Variants in IL1RAPL1 observed in about 807,000 individuals in gnomAD.
IL1RAPL1 encodes the protein interleukin 1 receptor accessory protein like 1, also known as interleukin-1 receptor accessory protein-like 1.
IL1RAPL1 carries 3 observed loss-of-function variants against 48.4 expected under a neutral mutation model. That is an observed-to-expected ratio of 0.06 (90% CI 0.03 to 0.16). The LOEUF is 0.16. Among genes scored for constraint, IL1RAPL1 ranks in the 10% least tolerant of loss-of-function variants. The pLI, the probability that IL1RAPL1 is intolerant of heterozygous loss-of-function variation, is 1.00. For synonymous variants in IL1RAPL1, 185 were observed against 187.7 expected (o/e 0.99, Z 0.12); for missense variants, 349 against 530.6 (o/e 0.66, Z 3.36).
chrX:29,001,768 C>G (rs1013103576), intron 2 of IL1RAPL1, among the ~76,000 whole-genome samples: 7 of 111,219 alleles, frequency 6.3e-5, no homozygotes, highest in Admixed American at 1.9e-4. Context: ...CAAATTCATT[C>G]TGAGATCATC....
chrX:29,948,229 C>T (rs1178008338), intron 9 of IL1RAPL1, among the ~76,000 whole-genome samples: 1 of 110,890 alleles, frequency 9.0e-6, no homozygotes, highest in Non-Finnish European at 1.9e-5. Context: ...CTACTTTATA[C>T]CACAGATATT....
intron 2 of IL1RAPL1, among the ~76,000 whole-genome samples, chrX:29,151,827 G>C (rs1929472910): frequency 1.8e-5 from 2 of 111,125 alleles, no homozygotes; most frequent in African/African-American, 3.3e-5. Flanking sequence ...AAATCCCTCA[G>C]ATGAAAGGAC....
chrX:29,918,526 A>AT (rs1278633192), intron 7 of IL1RAPL1, among the ~76,000 whole-genome samples: 82 of 106,985 alleles, frequency 7.7e-4, no homozygotes, highest in African/African-American at 2.6e-3. Context: ...AAAAAAAAAA[A>AT]TTTTCACAGG....
intron 6 of IL1RAPL1, among the ~76,000 whole-genome samples, chrX:29,841,089 C>T (rs1931127066): frequency 9.0e-6 from 1 of 111,715 alleles, no homozygotes; most frequent in African/African-American, 3.2e-5. Flanking sequence ...TGTTTGGTAA[C>T]TCCAGTCATG....
intron 6 of IL1RAPL1, among the ~76,000 whole-genome samples, chrX:29,706,018 G>C (rs995274164): frequency 8.9e-6 from 1 of 112,143 alleles, no homozygotes; most frequent in African/African-American, 3.2e-5. Flanking sequence ...CATGGCAGAA[G>C]GCAAGGAGGA....
chrX:28,616,781 C>G (rs765837002), intron 1 of IL1RAPL1, among the ~76,000 whole-genome samples: 2 of 112,322 alleles, frequency 1.8e-5, no homozygotes, highest in African/African-American at 6.5e-5. Context: ...TAATCCCTTA[C>G]TCATTCATCA....
At chrX:29,503,957 C>CTT (rs369285020) in intron 5 of IL1RAPL1, among the ~76,000 whole-genome samples, 5,428 of 94,626 alleles carry the variant, frequency 0.057, 457 homozygotes, top group African/African-American at 0.2. Context: ...AGCCTGAATC[C>CTT]TTTTTTTTTT....
chrX:29,080,999 T>TTTCTTTCTTTCTTC (rs1927812261), intron 2 of IL1RAPL1, among the ~76,000 whole-genome samples: 1 of 61,647 alleles, frequency 1.6e-5, no homozygotes, highest in African/African-American at 7.2e-5. Flanking sequence ...TTTCTTTCTC[T>TTTCTTTCTTTCTTC]CTCTCTCTCT....
chrX:28,840,702 G>T (rs951954724), intron 2 of IL1RAPL1, among the ~76,000 whole-genome samples: 27 of 110,479 alleles, frequency 2.4e-4, no homozygotes, highest in Admixed American at 1.6e-3. Context: ...TTATAAGATG[G>T]TTGGACTTTA....
At chrX:28,653,949 G>T (rs899049892) in intron 1 of IL1RAPL1, among the ~76,000 whole-genome samples, 1 of 111,473 alleles carries the variant, frequency 9.0e-6, no homozygotes, top group East Asian at 2.8e-4. Flanking sequence ...TCATATTAAA[G>T]GTTCATTCTA....
chrX:29,106,004 T>C (rs943311184), intron 2 of IL1RAPL1, among the ~76,000 whole-genome samples: 1 of 112,441 alleles, frequency 8.9e-6, no homozygotes, highest in African/African-American at 3.2e-5. Flanking sequence ...AAGATATAAT[T>C]CTTCCATCAA....
chrX:28,909,041 T>A (rs1392390519), intron 2 of IL1RAPL1, among the ~76,000 whole-genome samples: 1 of 111,393 alleles, frequency 9.0e-6, no homozygotes, highest in Admixed American at 9.6e-5. Context: ...GCATGCGATA[T>A]CATTCTTTAT....
At chrX:28,778,429 A>G (rs1027641527) in intron 1 of IL1RAPL1, among the ~76,000 whole-genome samples, 3 of 111,626 alleles carry the variant, frequency 2.7e-5, no homozygotes, top group African/African-American at 9.8e-5. Flanking sequence ...ATGATGGAAT[A>G]TATTTGCTTT....
At position 29,027,633 on chromosome X, in the gene IL1RAPL1, A is replaced by G. The variant is rs569300879; in HGVS notation, c.82+238208A>G. On this transcript the variant is annotated intron_variant, in intron 2 of 10. Transcript: ENST00000378993. The stretch of plus-strand genomic sequence containing the variant: ...TGCCAAACTGTCTTCCAAAGTGGCT[A>G]TTCCATTTTGTATTCCCACCAGCAA... Among the ~76,000 whole-genome samples, 12 of 111,895 alleles carry G rather than the reference A, an allele frequency of 1.1e-4. No homozygotes were observed. In the South Asian group the frequency reaches 3.7e-3, roughly 35 times the overall value.
intron 6 of IL1RAPL1, among the ~76,000 whole-genome samples, chrX:29,685,207 A>G (rs189486540): frequency 8.9e-5 from 10 of 112,335 alleles, no homozygotes; most frequent in African/African-American, 3.2e-4. Flanking sequence ...AATATATGTT[A>G]ACTTTAAAGA....
At chrX:29,137,576 T>G (rs1216792010) in intron 2 of IL1RAPL1, among the ~76,000 whole-genome samples, 1 of 112,074 alleles carries the variant, frequency 8.9e-6, no homozygotes, top group East Asian at 2.8e-4. Flanking sequence ...ATTTTCGTCT[T>G]TCTTCAAGTT....
chrX:29,397,788 T>A (rs752870582), intron 4 of IL1RAPL1, among the ~76,000 whole-genome samples: 1 of 111,406 alleles, frequency 9.0e-6, no homozygotes, highest in South Asian at 3.8e-4. Context: ...ATGTGTGACA[T>A]CAGCTTCTAA....
chrX:28,696,308 C>T (rs1935230749), intron 1 of IL1RAPL1, among the ~76,000 whole-genome samples: 1 of 110,549 alleles, frequency 9.0e-6, no homozygotes, highest in African/African-American at 3.3e-5. Flanking sequence ...TACAGCCACA[C>T]ACACAAATAC....
chrX:29,666,737 G>A (rs1223653227), intron 5 of IL1RAPL1, among the ~76,000 whole-genome samples: 2 of 110,558 alleles, frequency 1.8e-5, no homozygotes, highest in African/African-American at 3.3e-5. Context: ...TGTGGTATGC[G>A]TTTGAACAGG....
Sources: gnomAD v4.1 joint callset for allele counts (sites outside exome capture counted in the v4.1 genomes callset) on GRCh38, gnomAD v4.1.1 for gene constraint, MANE v1.5 for transcripts, NCBI Gene and HGNC (gene_info 2026-07-23, HGNC 2026-07-21) for gene names.